Variants in YAP1 observed in about 807,000 individuals in gnomAD.
YAP1 encodes the protein Yes1 associated transcriptional regulator.
YAP1 carries 5 observed loss-of-function variants against 56.9 expected under a neutral mutation model. The ratio of observed to expected loss-of-function variants is 0.09; its 90% CI spans 0.05 to 0.18. YAP1 has a LOEUF of 0.18. Ranked by LOEUF, YAP1 falls within the 10% of genes least tolerant of loss-of-function variation. YAP1 has a pLI of 1.00. For missense variants in YAP1, 539 were observed against 651.8 expected, an observed-to-expected ratio of 0.83 and a Z score of 1.88; for synonymous variants, 265 against 248.1, an observed-to-expected ratio of 1.07 and a Z score of -0.64.
At chr11:102,203,542 G>A (rs940941554) in intron 4 of YAP1, among the ~76,000 whole-genome samples, 1 of 152,048 alleles carries the variant, frequency 6.6e-6, no homozygotes, top group Admixed American at 6.6e-5. Flanking sequence ...AATAATTGGC[G>A]CTGAAAAGTA....
At chr11:102,162,406 T>C (rs1217133117) in intron 2 of YAP1, 50 bp from the exon 3 acceptor site, 1 of 1,538,454 alleles carries the variant, frequency 6.5e-7, no homozygotes, top group Non-Finnish European at 9.0e-7. Context: ...TAAGAATTGT[T>C]TTTGGAACCT....
intron 4 of YAP1, among the ~76,000 whole-genome samples, chr11:102,200,463 G>C (rs11601406): frequency 1.6e-5 from 2 of 127,560 alleles, no homozygotes; most frequent in Non-Finnish European, 3.3e-5. Context: ...TTTTTTTTTA[G>C]ACAAGAGTCT....
intron 1 of YAP1, among the ~76,000 whole-genome samples, 165 bp downstream of exon 1, chr11:102,111,334 C>T (rs1216576292): frequency 3.9e-5 from 6 of 152,056 alleles, no homozygotes; most frequent in Admixed American, 6.5e-5. Flanking sequence ...TCCACTCCGC[C>T]GCGGTGACCA....
At chr11:102,186,218 A>G (rs1175958499) in intron 4 of YAP1, 87 bp downstream of exon 4, 59 of 1,426,048 alleles carry the variant, frequency 4.1e-5, no homozygotes, top group Non-Finnish European at 4.1e-5. Context: ...TTTAAATAAA[A>G]TCGCATTGCT....
At chr11:102,149,014 G>T (rs1195358774) in intron 2 of YAP1, among the ~76,000 whole-genome samples, 1 of 152,078 alleles carries the variant, frequency 6.6e-6, no homozygotes, top group Non-Finnish European at 1.5e-5. Flanking sequence ...ACTGCTTTGT[G>T]TGGTATTCTG....
At chr11:102,212,377 G>A (rs1425135469) in intron 6 of YAP1, among the ~76,000 whole-genome samples, 4 of 152,158 alleles carry the variant, frequency 2.6e-5, no homozygotes, top group East Asian at 1.9e-4. Context: ...GTACACTAAC[G>A]TCAGTATGGG....
At chr11:102,127,737 G>A (rs998782541) in intron 2 of YAP1, among the ~76,000 whole-genome samples, 1 of 152,254 alleles carries the variant, frequency 6.6e-6, no homozygotes. Flanking sequence ...ACCTTGCATC[G>A]TGCTCCTGGA....
chr11:102,140,224 G>C (rs1565449323), intron 2 of YAP1, among the ~76,000 whole-genome samples: 1 of 151,138 alleles, frequency 6.6e-6, no homozygotes, highest in Non-Finnish European at 1.5e-5. Context: ...CCATTGTTCT[G>C]GAAAAAATTC....
At chr11:102,181,470 A>AT (rs1456788233) in intron 3 of YAP1, among the ~76,000 whole-genome samples, 2 of 152,040 alleles carry the variant, frequency 1.3e-5, no homozygotes, top group Non-Finnish European at 2.9e-5. Context: ...AAATAAATAA[A>AT]ATAAAATAAT....
intron 4 of YAP1, among the ~76,000 whole-genome samples, chr11:102,190,942 C>T (rs1302627624): frequency 2.0e-5 from 3 of 151,098 alleles, no homozygotes; most frequent in East Asian, 1.9e-4. Flanking sequence ...TCTCAAAAGC[C>T]GAGGCTGATG....
At chr11:102,146,955 A>G (rs1159012098) in intron 2 of YAP1, among the ~76,000 whole-genome samples, 1 of 152,230 alleles carries the variant, frequency 6.6e-6, no homozygotes, top group Non-Finnish European at 1.5e-5. Flanking sequence ...AAATCTATCA[A>G]TAATAACAAT....
intron 2 of YAP1, among the ~76,000 whole-genome samples, chr11:102,140,431 T>G (rs1174945319): frequency 6.6e-6 from 1 of 152,174 alleles, no homozygotes; most frequent in Non-Finnish European, 1.5e-5. Context: ...AAGAGAAGTA[T>G]TTCTTAATCT....
In YAP1 at chr11:102,116,266, TTAAG is replaced by T. The variant is rs542365547; in HGVS notation, c.572+1875_572+1878del. ...ACAACTATTTAGCCTTTACGTTGTA[TTAAG>T]TATTATAAGTAATCTAGAGGTGATA... On this transcript the variant is annotated intron_variant, in intron 2 of 8. Coordinates refer to ENST00000282441, the MANE Select transcript of YAP1 (RefSeq NM_001130145.3). 8.8e-4 allele frequency among the ~76,000 whole-genome samples: 134 copies of T among 152,328 alleles called. 1 individual carries two copies. Among genetic ancestry groups the T allele is most frequent in the Middle Eastern group, 3.4e-3 (1 of 294 alleles).
At chr11:102,206,480 A>G (rs891926597) in intron 5 of YAP1, among the ~76,000 whole-genome samples, 3 of 152,244 alleles carry the variant, frequency 2.0e-5, no homozygotes, top group African/African-American at 7.2e-5. Flanking sequence ...GGATACACCA[A>G]TATGACATTT....
chr11:102,127,482 C>G (rs1944103720), intron 2 of YAP1, among the ~76,000 whole-genome samples: 2 of 150,758 alleles, frequency 1.3e-5, no homozygotes, highest in South Asian at 4.2e-4. Flanking sequence ...AGTGCAGTTG[C>G]ACAGAAGTCA....
At chr11:102,116,159 T>C (rs185292133) in intron 2 of YAP1, among the ~76,000 whole-genome samples, 202 of 152,332 alleles carry the variant, frequency 1.3e-3, no homozygotes, top group African/African-American at 4.6e-3. Context: ...CAACCTCTGA[T>C]TGAAAATATT....
chr11:102,201,505 A>G (rs942967991), intron 4 of YAP1, among the ~76,000 whole-genome samples: 1 of 152,240 alleles, frequency 6.6e-6, no homozygotes, highest in Non-Finnish European at 1.5e-5. Context: ...GGCTAATTAT[A>G]GAAGAATAAT....
intron 5 of YAP1, among the ~76,000 whole-genome samples, chr11:102,208,167 A>T (rs1044586399): frequency 4.6e-5 from 7 of 152,186 alleles, no homozygotes; most frequent in African/African-American, 1.4e-4. Flanking sequence ...TCCAAAGAGA[A>T]TTATTTACTA....
rs114404964 is a variant in YAP1, at chr11:102,223,872, A to G, written c.1163+120A>G. ...TGTGGGCCAAAAACCATAGCTGTAA[A>G]TGAATCTCTCTGTAAATGGCAAGTA... On this transcript the variant is annotated intron_variant, in intron 7 of 8. Transcript: ENST00000282441. 7.4e-4 allele frequency: 964 copies of G among 1,309,902 alleles called. 4 individuals carry two copies. In the African/African-American group the frequency reaches 0.012, roughly 16 times the overall value. The allele number at this position is 1,309,902 out of a possible 1,614,324, so 81.1% of individuals were successfully genotyped here.
Sources: allele counts gnomAD v4.1 joint callset (sites outside exome capture counted in the v4.1 genomes callset), GRCh38; gene constraint gnomAD v4.1.1; transcripts MANE v1.5; gene names NCBI Gene and HGNC (gene_info 2026-07-23, HGNC 2026-07-21).